Variants in AP3B1 observed in about 807,000 individuals in gnomAD.
The protein encoded by AP3B1 is AP-3 complex subunit beta-1.
AP3B1 carries 61 observed loss-of-function variants against 132.5 expected under a neutral mutation model. The observed-to-expected ratio is 0.46, with a 90% CI of 0.37 to 0.57. AP3B1 has a LOEUF of 0.57. Ranked by LOEUF, AP3B1 falls within the 20% of genes least tolerant of loss-of-function variation. The pLI is 0.00. For synonymous variants in AP3B1, 388 were observed against 438.3 expected (o/e 0.89, Z 1.43); for missense variants, 1,120 against 1,289.4 (o/e 0.87, Z 2.01).
chr5:78,036,327 C>T (rs1270044513), intron 23 of AP3B1, among the ~76,000 whole-genome samples: 3 of 152,068 alleles, frequency 2.0e-5, no homozygotes, highest in South Asian at 2.1e-4. Context: ...GAAAGCTTAC[C>T]CAATTAGGTG....
At chr5:78,094,631 T>G (rs1229781223) in intron 21 of AP3B1, among the ~76,000 whole-genome samples, 1 of 152,110 alleles carries the variant, frequency 6.6e-6, no homozygotes. Flanking sequence ...TTATTCTGCC[T>G]AGTATACCCT....
intron 14 of AP3B1, among the ~76,000 whole-genome samples, chr5:78,147,311 T>C (rs1233393829): frequency 1.3e-5 from 2 of 152,152 alleles, no homozygotes; most frequent in East Asian, 1.9e-4. Flanking sequence ...TTCTTGTTCA[T>C]ATTTGCTTAA....
chr5:78,082,265 T>C (rs555836936), intron 22 of AP3B1, among the ~76,000 whole-genome samples: 8 of 152,326 alleles, frequency 5.3e-5, no homozygotes, highest in African/African-American at 1.7e-4. Context: ...TCCTTCCTCC[T>C]ATAGTCTACA....
intron 1 of AP3B1, among the ~76,000 whole-genome samples, chr5:78,279,371 G>A (rs192870372): frequency 5.3e-5 from 8 of 152,240 alleles, no homozygotes; most frequent in Admixed American, 2.0e-4. Flanking sequence ...TCTATGAAGC[G>A]TGTGTAGCTA....
At position 78,241,989 on chromosome 5, in the gene AP3B1, T is replaced by A. The variant is rs146940096; in HGVS notation, c.205-1053A>T. Among the ~76,000 whole-genome samples, 1,413 of 152,296 alleles carry A rather than the reference T, an allele frequency of 9.3e-3. 18 individuals carry two copies. Among genetic ancestry groups the A allele is most frequent in the African/African-American group, 0.032 (1,340 of 41,552 alleles). On this transcript the variant is annotated intron_variant, in intron 2 of 26. Transcript: ENST00000255194. Reference sequence around the variant, plus strand: ...ATGTTAATCCCTTCCACTGCTATTATCCTAGCATGGGTCAGTATCACCTCA... The same window carrying A: ...ATGTTAATCCCTTCCACTGCTATTAACCTAGCATGGGTCAGTATCACCTCA...
chr5:78,001,748 C>G (rs1233504611), downstream of AP3B1: 1 of 152,126 alleles, frequency 6.6e-6, no homozygotes, highest in Non-Finnish European at 1.5e-5. Context: ...GTATGTGGCT[C>G]TATACAAAAA....
chr5:78,255,373 T>C (rs2112542642), intron 2 of AP3B1, among the ~76,000 whole-genome samples: 1 of 151,798 alleles, frequency 6.6e-6, no homozygotes, highest in Admixed American at 6.6e-5. Flanking sequence ...CATAAAAACA[T>C]ATATCAGCTG....
intron 26 of AP3B1, among the ~76,000 whole-genome samples, chr5:78,004,309 A>G (rs1033561661): frequency 6.6e-6 from 1 of 152,194 alleles, no homozygotes; most frequent in Admixed American, 6.5e-5. Context: ...GACAATTAGC[A>G]TGGGCCTCGC....
intron 23 of AP3B1, among the ~76,000 whole-genome samples, chr5:78,035,124 G>A (rs1407188071): frequency 6.6e-6 from 1 of 151,730 alleles, no homozygotes; most frequent in Non-Finnish European, 1.5e-5. Context: ...CCAAGTATAG[G>A]AAATAACTAT....
chr5:78,037,174 G>C (rs1371755980), intron 23 of AP3B1, among the ~76,000 whole-genome samples: 1 of 152,004 alleles, frequency 6.6e-6, no homozygotes, highest in African/African-American at 2.4e-5. Context: ...CCAACTAAAG[G>C]TCAACTCATC....
chr5:78,095,374 T>G (rs944969190), intron 21 of AP3B1, among the ~76,000 whole-genome samples: 1 of 152,230 alleles, frequency 6.6e-6, no homozygotes, highest in Non-Finnish European at 1.5e-5. Flanking sequence ...AAGATTAATC[T>G]AATTCTCACA....
chr5:78,108,439 G>A (rs1311460246), intron 20 of AP3B1, among the ~76,000 whole-genome samples: 1 of 152,158 alleles, frequency 6.6e-6, no homozygotes, highest in Non-Finnish European at 1.5e-5. Flanking sequence ...TAGCTCCAAG[G>A]TGGAGAGTAC....
chr5:78,128,008 A>C, intron 17 of AP3B1, 22 bp downstream of exon 17: 1 of 1,611,066 alleles, frequency 6.2e-7, no homozygotes. Flanking sequence ...TGGCAAAATT[A>C]ATTTCAGAAA....
chr5:78,039,772 C>T (rs1328331699), intron 22 of AP3B1, among the ~76,000 whole-genome samples: 1 of 133,668 alleles, frequency 7.5e-6, no homozygotes, highest in Non-Finnish European at 1.6e-5. Flanking sequence ...AGCGAGACTC[C>T]GTCTCAAAAA....
At chr5:78,231,672 T>C (rs1022676784) in intron 3 of AP3B1, among the ~76,000 whole-genome samples, 1 of 152,182 alleles carries the variant, frequency 6.6e-6, no homozygotes, top group Non-Finnish European at 1.5e-5. Context: ...TCACCACCAG[T>C]TGTTAAGTTA....
At chr5:78,103,454 C>T (rs1382546999) in intron 20 of AP3B1, among the ~76,000 whole-genome samples, 2 of 152,072 alleles carry the variant, frequency 1.3e-5, no homozygotes, top group African/African-American at 4.8e-5. Flanking sequence ...TTTTACTGTG[C>T]GATTTTATTT....
intron 26 of AP3B1, among the ~76,000 whole-genome samples, chr5:78,011,336 A>G (rs191648222): frequency 2.4e-4 from 36 of 152,184 alleles, no homozygotes; most frequent in African/African-American, 8.7e-4. Flanking sequence ...ATGAGCCACC[A>G]TGCCCGGCCA....
chr5:78,232,189 T>C (rs1183526509), intron 3 of AP3B1, among the ~76,000 whole-genome samples: 1 of 152,260 alleles, frequency 6.6e-6, no homozygotes, highest in Non-Finnish European at 1.5e-5. Flanking sequence ...CTTTAAATTC[T>C]TTAATTATAA....
At chr5:78,124,730 T>C (rs1752388155) in intron 17 of AP3B1, among the ~76,000 whole-genome samples, 1 of 152,240 alleles carries the variant, frequency 6.6e-6, no homozygotes, top group Admixed American at 6.5e-5. Flanking sequence ...TGCTTCTGTC[T>C]ACAAAGATAG....
Sources: allele counts gnomAD v4.1 joint callset (sites outside exome capture counted in the v4.1 genomes callset), GRCh38; gene constraint gnomAD v4.1.1; transcripts MANE v1.5; gene names NCBI Gene and HGNC (gene_info 2026-07-23, HGNC 2026-07-21).